The following FBXO31 variants were observed in gnomAD, a reference collection of about 807,000 sequenced individuals.
The protein encoded by FBXO31 is F-box protein 31.
In FBXO31, 24 loss-of-function variants were observed where a neutral mutation model predicts 54.4. The observed-to-expected ratio is 0.44, with a 90% CI of 0.32 to 0.62. The LOEUF (loss-of-function observed/expected upper bound fraction) is 0.62, where lower values mean the gene tolerates loss of function less well. FBXO31 is among the 20% of genes least tolerant of loss of function. The probability of loss-of-function intolerance (pLI) is 0.05; values close to 1 mark genes in which losing one functional copy is unlikely to be tolerated. For missense variants in FBXO31, 665 were observed against 787.1 expected, an observed-to-expected ratio of 0.84 and a Z score of 1.86; for synonymous variants, 388 against 335.6, an observed-to-expected ratio of 1.16 and a Z score of -1.71.
At chr16:87,355,649 T>G (rs1258396853) in intron 2 of FBXO31, among the ~76,000 whole-genome samples, 1 of 152,214 alleles carries the variant, frequency 6.6e-6, no homozygotes, top group African/African-American at 2.4e-5. Context: ...AACAACAGTA[T>G]GTCAATCAAA....
chr16:87,389,720 A>T (rs922676450), intron 1 of FBXO31: 1 of 152,234 alleles, frequency 6.6e-6, no homozygotes, highest in African/African-American at 2.4e-5. Flanking sequence ...GAAGGTAGGT[A>T]CATAATATGC....
intron 1 of FBXO31, among the ~76,000 whole-genome samples, chr16:87,370,651 A>G (rs539017947): frequency 1.3e-5 from 2 of 152,122 alleles, no homozygotes; most frequent in Non-Finnish European, 2.9e-5. Context: ...GGGCCCTGTG[A>G]GACAGGCAGA....
At chr16:87,355,175 A>G (rs907694964) in intron 2 of FBXO31, among the ~76,000 whole-genome samples, 1 of 152,046 alleles carries the variant, frequency 6.6e-6, no homozygotes, top group Non-Finnish European at 1.5e-5. Context: ...CTGGGCAATA[A>G]AGCAAGACCC....
Position 87,331,339 on chromosome 16 carries a change from G to C in FBXO31, c.1569C>G (p.Ser523=). The change falls in exon 9 of 9, where the codon TCC becomes TCG. Residue 523 remains serine (S), a synonymous_variant. Transcript: ENST00000311635. ...QATFRNADAP[S]PQAFDEMLKN... is the part of the protein sequence containing the mutation. ...TGAGCATCTCATCGAAGGCCTGTGG[G>C]GACGGCGCATCTGCGTTCCGGAAGG... 1 of 1,614,032 alleles carries C rather than the reference G, an allele frequency of 6.2e-7. No individual in the cohort carries two copies. Among genetic ancestry groups the C allele is most frequent in the Non-Finnish European group, 8.5e-7 (1 of 1,180,044 alleles).
At chr16:87,382,245 C>G (rs1307761278) in intron 1 of FBXO31, among the ~76,000 whole-genome samples, 2 of 152,220 alleles carry the variant, frequency 1.3e-5, no homozygotes, top group Non-Finnish European at 2.9e-5. Flanking sequence ...TACACTGTCT[C>G]TAAGAGAATA....
intron 1 of FBXO31, among the ~76,000 whole-genome samples, chr16:87,380,296 CAAAAAAAA>C (rs71156230): frequency 1.0e-5 from 1 of 97,794 alleles, no homozygotes; most frequent in African/African-American, 4.0e-5. Flanking sequence ...GACTCCGTCT[CAAAAAAAA>C]AAAAAAAAAA....
At position 87,368,293 on chromosome 16, in the gene FBXO31, C is replaced by T. The variant is rs142669609; in HGVS notation, c.341-7927G>A. On this transcript the variant is annotated intron_variant, in intron 1 of 8. Transcript: ENST00000311635. Reference sequence around the variant, plus strand: ...CCCAACTGCTCCTTTAAGTAATGTTCGATATTTTCCACATGATGAAAAAAG... The same window carrying T: ...CCCAACTGCTCCTTTAAGTAATGTTTGATATTTTCCACATGATGAAAAAAG... Among the ~76,000 whole-genome samples, 156 of 152,222 alleles carry T rather than the reference C, an allele frequency of 1.0e-3. 1 individual carries two copies. Among genetic ancestry groups the T allele is most frequent in the African/African-American group, 3.0e-3 (126 of 41,520 alleles).
intron 2 of FBXO31, among the ~76,000 whole-genome samples, chr16:87,348,440 G>T (rs1473653659): frequency 6.6e-6 from 1 of 152,220 alleles, no homozygotes; most frequent in Non-Finnish European, 1.5e-5. Flanking sequence ...GGGGGAGAAG[G>T]TGGCACCCAG....
At chr16:87,343,911 C>T (rs899227761) in intron 3 of FBXO31, 146 bp from the exon 4 acceptor site, 19 of 758,840 alleles carry the variant, frequency 2.5e-5, no homozygotes, top group African/African-American at 1.4e-4. Flanking sequence ...CGAGGTGCCT[C>T]GAATCCCAGC....
chr16:87,341,061 C>T (rs1597361274), intron 5 of FBXO31, among the ~76,000 whole-genome samples: 1 of 152,198 alleles, frequency 6.6e-6, no homozygotes, highest in African/African-American at 2.4e-5. Context: ...AGGCTGGTCT[C>T]ACTCAGAATA....
intron 1 of FBXO31, among the ~76,000 whole-genome samples, chr16:87,365,037 A>ATATATATATATATATATATATC (rs1489132121): frequency 3.7e-5 from 4 of 106,888 alleles, no homozygotes; most frequent in African/African-American, 7.0e-5. Context: ...ATATATATAT[A>ATATATATATATATATATATATC]TATCAGGCAG....
At chr16:87,363,313 G>A (rs1906215845) in intron 1 of FBXO31, among the ~76,000 whole-genome samples, 1 of 152,184 alleles carries the variant, frequency 6.6e-6, no homozygotes, top group African/African-American at 2.4e-5. Flanking sequence ...GAACTCAGGA[G>A]GCAGAGGTGG....
At chr16:87,389,951 G>C (rs1907464421), upstream of FBXO31, 1 of 152,222 alleles carries the variant, frequency 6.6e-6, no homozygotes, top group Admixed American at 6.5e-5. Flanking sequence ...GGGACAGAAA[G>C]TGCCACCTGC....
intron 2 of FBXO31, among the ~76,000 whole-genome samples, chr16:87,351,841 C>T (rs1454087304): frequency 6.6e-6 from 1 of 152,124 alleles, no homozygotes; most frequent in Non-Finnish European, 1.5e-5. Flanking sequence ...TGCACTCCAG[C>T]CTGGGCGACA....
chr16:87,355,796 C>T (rs73250507), intron 2 of FBXO31, among the ~76,000 whole-genome samples: 5,049 of 152,226 alleles, frequency 0.033, 271 homozygotes, highest in African/African-American at 0.11. Context: ...CATGAAGCTT[C>T]CCTCCACCTG....
At chr16:87,363,246 T>C (rs1482560122) in intron 1 of FBXO31, among the ~76,000 whole-genome samples, 1 of 151,964 alleles carries the variant, frequency 6.6e-6, no homozygotes, top group Non-Finnish European at 1.5e-5. Context: ...TAGCCGGGCA[T>C]GGTGGTGCAT....
chr16:87,383,305 C>T lies in FBXO31; in HGVS notation c.340+100G>A. 1.7e-6 allele frequency: 2 copies of T among 1,157,830 alleles called. No homozygotes were observed. The highest frequency in any genetic ancestry group is 2.3e-6 in the Non-Finnish European group (2 of 863,964). The allele number at this position is 1,157,830 out of a possible 1,614,324, so 71.7% of individuals were successfully genotyped here. A position where few individuals can be genotyped will look rare whatever the true frequency, so the allele number is the denominator to read the frequency against. On this transcript the variant is annotated intron_variant, in intron 1 of 8. Transcript: ENST00000311635. This position sits in a 1 kb window ranked among gnomAD's most constrained non-coding sequence, Gnocchi z 4.9. ...GCCGGGCCCCGCGCCCAACTGGTGGCCCCCGGCCGGGGCCACCGCCCCCGC... is the reference window on the plus strand; with the variant it reads ...GCCGGGCCCCGCGCCCAACTGGTGGTCCCCGGCCGGGGCCACCGCCCCCGC...
chr16:87,365,577 T>A (rs973680123), intron 1 of FBXO31, among the ~76,000 whole-genome samples: 1 of 152,224 alleles, frequency 6.6e-6, no homozygotes, highest in Admixed American at 6.5e-5. Context: ...ATACCCGGGA[T>A]GGCTGGAGGA....
rs1905000751 is a variant in FBXO31, at chr16:87,335,048, G to C, written c.996+256C>G. 6.6e-6 allele frequency among the ~76,000 whole-genome samples: 1 copy of C among 152,236 alleles called. No individual in the cohort carries two copies. The highest frequency in any genetic ancestry group is 2.4e-5 in the African/African-American group (1 of 41,464). On this transcript the variant is annotated intron_variant, in intron 7 of 8. Transcript: ENST00000311635. This position sits in a 1 kb window ranked among gnomAD's most constrained non-coding sequence, Gnocchi z 5.7. Reference sequence around the variant, plus strand: ...CCCACAGGGCTGCCAGGGTGGCCGGGGCTGAGCGGTGCTGTGGGAAGGCCA... The same window carrying C: ...CCCACAGGGCTGCCAGGGTGGCCGGCGCTGAGCGGTGCTGTGGGAAGGCCA...
Sources: gnomAD v4.1 joint callset for allele counts (sites outside exome capture counted in the v4.1 genomes callset) on GRCh38, gnomAD v4.1.1 for gene constraint, Gnocchi (gnomAD v3.1) non-coding constraint, MANE v1.5 for transcripts, NCBI Gene and HGNC (gene_info 2026-07-23, HGNC 2026-07-21) for gene names.